The following PAX5 variants were observed in gnomAD, a reference collection of about 807,000 sequenced individuals.
The protein encoded by PAX5 is paired box 5, also known as paired box protein Pax-5.
In PAX5, 9 loss-of-function variants were observed where a neutral mutation model predicts 43.7. The observed-to-expected ratio is 0.21, with a 90% CI of 0.12 to 0.36. The LOEUF is 0.36. PAX5 is among the 10% of genes least tolerant of loss of function. The pLI is 1.00. For missense variants in PAX5, 383 were observed against 532.7 expected (o/e 0.72, Z 2.77); for synonymous variants, 228 against 214.3 (o/e 1.06, Z -0.56).
intron 6 of PAX5, among the ~76,000 whole-genome samples, chr9:36,924,807 G>GGGAGGGA (rs1830503818): frequency 7.1e-5 from 1 of 14,174 alleles, no homozygotes; most frequent in Non-Finnish European, 1.4e-4. Flanking sequence ...GAGGGAGGGA[G>GGGAGGGA]GAAGGAAGGA....
intron 8 of PAX5, among the ~76,000 whole-genome samples, chr9:36,847,487 G>A (rs1026710928): frequency 2.0e-5 from 3 of 152,180 alleles, no homozygotes; most frequent in African/African-American, 4.8e-5. Flanking sequence ...CCTCAGTCTC[G>A]TCAGGGAGAT....
intron 7 of PAX5, among the ~76,000 whole-genome samples, chr9:36,904,725 T>A (rs1828679816): frequency 6.6e-6 from 1 of 152,188 alleles, no homozygotes; most frequent in Non-Finnish European, 1.5e-5. Flanking sequence ...GATATGTATG[T>A]GAGTGTGTGA....
intron 8 of PAX5, among the ~76,000 whole-genome samples, chr9:36,872,957 C>T (rs73648163): frequency 0.025 from 3,878 of 152,170 alleles, 78 homozygotes; most frequent in East Asian, 0.079. Context: ...CCCACCAGCC[C>T]CACAAGGCTT....
intron 6 of PAX5, among the ~76,000 whole-genome samples, chr9:36,936,500 C>G (rs890918332): frequency 2.0e-5 from 3 of 152,144 alleles, no homozygotes; most frequent in Admixed American, 2.0e-4. Flanking sequence ...GGCAGGGAGG[C>G]CATTACCTCC....
intron 6 of PAX5, among the ~76,000 whole-genome samples, chr9:36,942,805 C>T (rs1483142533): frequency 1.3e-5 from 2 of 152,218 alleles, no homozygotes; most frequent in Non-Finnish European, 2.9e-5. Context: ...AGAGGAGTTG[C>T]TAGAGGTTGT....
At chr9:36,897,546 A>G (rs1347205342) in intron 7 of PAX5, among the ~76,000 whole-genome samples, 2 of 140,570 alleles carry the variant, frequency 1.4e-5, no homozygotes, top group African/African-American at 5.5e-5. Flanking sequence ...ACAGTTGCTA[A>G]AAAAAAAAAA....
intron 7 of PAX5, among the ~76,000 whole-genome samples, chr9:36,896,073 A>C (rs1827836219): frequency 6.6e-6 from 1 of 152,130 alleles, no homozygotes; most frequent in African/African-American, 2.4e-5. Context: ...CACCCACCAG[A>C]GGGAGATCAG....
intron 1 of PAX5, chr9:37,026,609 G>A (rs773543410): frequency 9.6e-6 from 13 of 1,349,900 alleles, no homozygotes; most frequent in African/African-American, 7.3e-5. Flanking sequence ...GGCCCACGCC[G>A]CCGCCTCCCG....
intron 4 of PAX5, among the ~76,000 whole-genome samples, chr9:37,003,408 C>T (rs1272342497): frequency 2.0e-5 from 3 of 152,126 alleles, no homozygotes; most frequent in African/African-American, 7.2e-5. Flanking sequence ...TTTCTGAGAA[C>T]TTACTCTGTG....
intron 7 of PAX5, among the ~76,000 whole-genome samples, chr9:36,910,712 A>T (rs143858789): frequency 6.6e-6 from 1 of 152,312 alleles, no homozygotes; most frequent in East Asian, 1.9e-4. Context: ...TTGGGTAAAT[A>T]CCGCTGGAAG....
At chr9:36,940,102 C>G (rs1831921487) in intron 6 of PAX5, among the ~76,000 whole-genome samples, 1 of 152,228 alleles carries the variant, frequency 6.6e-6, no homozygotes. Flanking sequence ...TGAGGCTCCC[C>G]TGCTCAGCCC....
intron 6 of PAX5, among the ~76,000 whole-genome samples, chr9:36,925,749 A>G (rs991290986): frequency 2.0e-5 from 3 of 152,220 alleles, no homozygotes; most frequent in Non-Finnish European, 2.9e-5. Flanking sequence ...TCTGCCCTTC[A>G]TGGAAGGAAG....
chr9:36,860,121 G>A (rs1391106091), intron 8 of PAX5, among the ~76,000 whole-genome samples: 2 of 151,780 alleles, frequency 1.3e-5, no homozygotes, highest in East Asian at 1.9e-4. Flanking sequence ...GGTAGATCAC[G>A]AGGTCAGGAG....
intron 6 of PAX5, among the ~76,000 whole-genome samples, chr9:36,949,053 T>C (rs1350287636): frequency 6.6e-6 from 1 of 152,144 alleles, no homozygotes; most frequent in Admixed American, 6.5e-5. Flanking sequence ...TGCTGTTTTT[T>C]TGTTTGTTTT....
chr9:36,846,956 C>A (rs754534206), intron 8 of PAX5, 27 bp from the exon 9 acceptor site: 2 of 1,537,974 alleles, frequency 1.3e-6, no homozygotes, highest in Non-Finnish European at 1.8e-6. Context: ...GAGAGAGAAA[C>A]AGGAACCAAA....
At chr9:36,859,780 A>G (rs1459130608) in intron 8 of PAX5, among the ~76,000 whole-genome samples, 1 of 152,208 alleles carries the variant, frequency 6.6e-6, no homozygotes, top group Non-Finnish European at 1.5e-5. Flanking sequence ...CACACCTGTA[A>G]TCCCAGCACT....
Position 36,940,030 on chromosome 9 carries a change from C to T in PAX5, c.781-16546G>A, listed in dbSNP as rs115583067. Among the ~76,000 whole-genome samples the T allele has an allele frequency of 9.7e-3, 1,483 of 152,334 alleles. 22 individuals are homozygous for T. The highest frequency in any genetic ancestry group is 0.031 in the African/African-American group (1,295 of 41,570). ...GAAGGCTGCAAATCCTGCAAGGCAC[C>T]CACTCCAGCCGGGGCTTAATTTATT... On this transcript the variant is annotated intron_variant, in intron 6 of 9. Transcript: ENST00000358127.
chr9:36,867,075 G>T (rs1204762326), intron 8 of PAX5, among the ~76,000 whole-genome samples: 3 of 150,016 alleles, frequency 2.0e-5, no homozygotes, highest in Non-Finnish European at 4.4e-5. Flanking sequence ...GGGGGGCCTT[G>T]GTTGGTCTCC....
intron 7 of PAX5, among the ~76,000 whole-genome samples, chr9:36,920,858 G>C (rs1460208208): frequency 7.3e-6 from 1 of 136,562 alleles, no homozygotes. Context: ...TTGTGGCCCA[G>C]GCTGGAGTGC....
Sources: allele counts gnomAD v4.1 joint callset (sites outside exome capture counted in the v4.1 genomes callset), GRCh38; gene constraint gnomAD v4.1.1; transcripts MANE v1.5; gene names NCBI Gene and HGNC (gene_info 2026-07-23, HGNC 2026-07-21).